The following TLCD4 variants were observed in gnomAD, a reference collection of about 807,000 sequenced individuals.
TLCD4 encodes TLC domain-containing protein 4.
In TLCD4, 7 loss-of-function variants were observed where a neutral mutation model predicts 24.2. That is an observed-to-expected ratio of 0.29 (90% confidence interval 0.16 to 0.54). The LOEUF (loss-of-function observed/expected upper bound fraction) is 0.54. Ranked by LOEUF, TLCD4 falls within the 20% of genes least tolerant of loss-of-function variation. The probability of loss-of-function intolerance (pLI) is 0.95; values close to 1 mark genes in which losing one functional copy is unlikely to be tolerated. For synonymous variants in TLCD4, 103 were observed against 106.4 expected (o/e 0.97, Z 0.20); for missense variants, 259 against 313.9 (o/e 0.82, Z 1.32).
chr1:95,197,364 A>G lies in TLCD4; in HGVS notation c.*5496A>G, dbSNP rs1679235321. 1 of 152,164 alleles carries G rather than the reference A, an allele frequency of 6.6e-6. No homozygotes were observed. Among genetic ancestry groups the G allele is most frequent in the African/African-American group, 2.4e-5 (1 of 41,442 alleles). The allele number at this position is 152,164 out of a possible 1,614,324, so 9.4% of individuals were successfully genotyped here. On this transcript the variant is annotated 3_prime_UTR_variant, in exon 7 of 7. Coordinates refer to ENST00000370203, the MANE Select transcript of TLCD4 (RefSeq NM_152487.3). The stretch of plus-strand genomic sequence containing the variant: ...AATGTTTGTATACTTTATGTGTGCC[A>G]TTTTAAAGTATATGCAAGTTCTAAG...
At chr1:95,154,063 A>G (rs1677564580) in intron 5 of TLCD4, among the ~76,000 whole-genome samples, 3 of 152,184 alleles carry the variant, frequency 2.0e-5, no homozygotes, top group Admixed American at 1.3e-4. Context: ...ATAAAAGTAG[A>G]TACAATCAGC....
intron 1 of TLCD4, among the ~76,000 whole-genome samples, chr1:95,119,364 G>A (rs1676511664): frequency 6.6e-6 from 1 of 152,150 alleles, no homozygotes; most frequent in African/African-American, 2.4e-5. Context: ...AGTCTTATGA[G>A]CAGGGAGCTA....
intron 5 of TLCD4, among the ~76,000 whole-genome samples, chr1:95,172,131 T>G (rs1221130100): frequency 1.3e-5 from 2 of 152,186 alleles, no homozygotes; most frequent in Non-Finnish European, 2.9e-5. Flanking sequence ...ACTTCTAGCT[T>G]CCGTAACTGT....
chr1:95,185,611 G>A (rs113855264), intron 6 of TLCD4, among the ~76,000 whole-genome samples: 20 of 152,274 alleles, frequency 1.3e-4, no homozygotes, highest in African/African-American at 4.6e-4. Flanking sequence ...ACGTGAAGAC[G>A]ACGAGAATGA....
At chr1:95,161,891 T>C (rs1677821676) in intron 5 of TLCD4, among the ~76,000 whole-genome samples, 1 of 152,230 alleles carries the variant, frequency 6.6e-6, no homozygotes, top group Admixed American at 6.5e-5. Context: ...TTCTGTTCTT[T>C]TACATTTGCT....
At chr1:95,168,618 G>A (rs1678102355) in intron 5 of TLCD4, among the ~76,000 whole-genome samples, 1 of 126,826 alleles carries the variant, frequency 7.9e-6, no homozygotes. Context: ...GCCTTGGCTG[G>A]GCTCAAATGA....
chr1:95,124,338 T>G (rs1404392627), intron 1 of TLCD4, among the ~76,000 whole-genome samples: 4 of 152,308 alleles, frequency 2.6e-5, no homozygotes, highest in Admixed American at 2.6e-4. Flanking sequence ...ATAACAAGCT[T>G]CAGGGTGTCC....
chr1:95,179,158 T>G (rs1409977530), intron 6 of TLCD4, among the ~76,000 whole-genome samples: 2 of 152,268 alleles, frequency 1.3e-5, no homozygotes, highest in African/African-American at 2.4e-5. Context: ...TTAAATCATT[T>G]AAAGGAAATA....
chr1:95,142,312 T>A (rs1051019309), intron 1 of TLCD4, among the ~76,000 whole-genome samples: 61 of 103,040 alleles, frequency 5.9e-4, no homozygotes, highest in African/African-American at 1.2e-3. Flanking sequence ...TTTTTTTTTT[T>A]AATAAGGGAT....
At chr1:95,116,722 CA>C (rs1404297800), upstream of TLCD4, among the ~76,000 whole-genome samples, 1 of 152,180 alleles carries the variant, frequency 6.6e-6, no homozygotes, top group African/African-American at 2.4e-5. Context: ...AATTCTCAGC[CA>C]GCACCAAATA....
intron 2 of TLCD4, 67 bp from the exon 3 acceptor site, chr1:95,148,635 G>A (rs1267453670): frequency 6.2e-7 from 1 of 1,600,068 alleles, no homozygotes; most frequent in Non-Finnish European, 8.5e-7. Context: ...AATGTTCTGT[G>A]TCTTGTCAGG....
In TLCD4 at chr1:95,132,517, C is replaced by T. The variant is rs144998859; in HGVS notation, c.-11-11374C>T. The stretch of plus-strand genomic sequence containing the variant: ...TTCTGTTACAGCACCACAAAACCGA[C>T]TCGGATATTTGTGATAACCATTCAC... On this transcript the variant is annotated intron_variant, in intron 1 of 6. Coordinates refer to ENST00000370203, the MANE Select transcript of TLCD4 (RefSeq NM_152487.3). Among the ~76,000 whole-genome samples, 685 of 150,682 alleles carry T rather than the reference C, an allele frequency of 4.5e-3. 5 individuals carry two copies. Among genetic ancestry groups the T allele is most frequent in the Non-Finnish European group, 8.2e-3 (556 of 67,806 alleles).
chr1:95,096,387 T>G, the TLCD4 span, among the ~76,000 whole-genome samples: 1 of 152,204 alleles, frequency 6.6e-6, no homozygotes, highest in Non-Finnish European at 1.5e-5. Flanking sequence ...CCTGACCTAT[T>G]TACTGTATGA....
rs569853815 is a variant in TLCD4 at position 95,129,467 on chromosome 1, C to T, written c.-12+11850C>T. Among the ~76,000 whole-genome samples, 14 of 152,160 alleles carry T rather than the reference C, an allele frequency of 9.2e-5. No individual in the cohort carries two copies. The South Asian group carries it at 2.3e-3, about 25-fold the overall frequency. On this transcript the variant is annotated intron_variant, in intron 1 of 6. Transcript: ENST00000370203. ...TTGAAAGGGAGTGTAACAGGCCAGG[C>T]GCGGTAGCTCACGCCTGTAATTCCA...
chr1:95,167,480 T>C (rs1052564740), intron 5 of TLCD4, among the ~76,000 whole-genome samples: 1 of 152,128 alleles, frequency 6.6e-6, no homozygotes, highest in African/African-American at 2.4e-5. Flanking sequence ...AGGCAGGGCT[T>C]GCATGTCTGA....
At chr1:95,162,919 C>T (rs1677875585) in intron 5 of TLCD4, among the ~76,000 whole-genome samples, 2 of 152,190 alleles carry the variant, frequency 1.3e-5, no homozygotes, top group Non-Finnish European at 2.9e-5. Flanking sequence ...ACCTTTCTCT[C>T]TGGCTGCCCT....
chr1:95,169,576 G>A (rs1269837432), intron 5 of TLCD4, among the ~76,000 whole-genome samples: 1 of 152,124 alleles, frequency 6.6e-6, no homozygotes, highest in Non-Finnish European at 1.5e-5. Flanking sequence ...TATGAAAGGA[G>A]TTGGAAAAAG....
the TLCD4 span, among the ~76,000 whole-genome samples, chr1:95,100,543 C>T: frequency 2.0e-5 from 3 of 151,694 alleles, no homozygotes; most frequent in Non-Finnish European, 4.4e-5. Context: ...CCACTGCACA[C>T]CAGCCTGGAC....
At chr1:95,109,628 C>T in the TLCD4 span, among the ~76,000 whole-genome samples, 27 of 151,582 alleles carry the variant, frequency 1.8e-4, no homozygotes, top group Non-Finnish European at 3.4e-4. Flanking sequence ...GGTGGGACTA[C>T]AGGCGTGTGC....
Sources: allele counts gnomAD v4.1 joint callset (sites outside exome capture counted in the v4.1 genomes callset), GRCh38; gene constraint gnomAD v4.1.1; transcripts MANE v1.5; gene names NCBI Gene and HGNC (gene_info 2026-07-23, HGNC 2026-07-21).